NRG3: variants seen among roughly 807,000 people sequenced by gnomAD.
NRG3 encodes the protein neuregulin 3.
A neutral mutation model predicts 66.9 loss-of-function variants in NRG3; 31 were observed. The ratio of observed to expected loss-of-function variants is 0.46; its 90% confidence interval spans 0.35 to 0.63. NRG3 has a LOEUF of 0.63. NRG3 is among the 20% of genes least tolerant of loss of function. NRG3 has a pLI of 0.00. For missense variants in NRG3, 910 were observed against 878.9 expected (o/e 1.04, Z -0.45); for synonymous variants, 393 against 359.4 (o/e 1.09, Z -1.06).
intron 1 of NRG3, among the ~76,000 whole-genome samples, chr10:82,223,617 T>A (rs984506986): frequency 6.7e-6 from 1 of 150,184 alleles, no homozygotes; most frequent in Non-Finnish European, 1.5e-5. Context: ...GAATGCAGTG[T>A]AGTAATATTC....
At chr10:82,545,952 T>C (rs905146961) in intron 2 of NRG3, among the ~76,000 whole-genome samples, 10 of 150,426 alleles carry the variant, frequency 6.6e-5, no homozygotes, top group Non-Finnish European at 1.3e-4. Context: ...CATGCCCGGC[T>C]AATTTCAGTA....
chr10:82,875,251 T>C (rs1841704821), intron 4 of NRG3, among the ~76,000 whole-genome samples: 1 of 152,246 alleles, frequency 6.6e-6, no homozygotes, highest in South Asian at 2.1e-4. Flanking sequence ...AATCATGATT[T>C]GAACCATCTC....
At chr10:82,426,826 C>G (rs1297470625) in intron 2 of NRG3, among the ~76,000 whole-genome samples, 1 of 151,628 alleles carries the variant, frequency 6.6e-6, no homozygotes, top group Non-Finnish European at 1.5e-5. Flanking sequence ...ATTTTCTTTT[C>G]TTTTGGTAAA....
At chr10:82,451,954 A>G (rs934303030) in intron 2 of NRG3, among the ~76,000 whole-genome samples, 1 of 152,172 alleles carries the variant, frequency 6.6e-6, no homozygotes, top group Non-Finnish European at 1.5e-5. Flanking sequence ...AATTCAAAAT[A>G]AAAAAATGTT....
At chr10:82,168,749 C>G (rs543257811) in intron 1 of NRG3, among the ~76,000 whole-genome samples, 2 of 152,120 alleles carry the variant, frequency 1.3e-5, no homozygotes, top group Non-Finnish European at 2.9e-5. Context: ...TGTTTCTTAA[C>G]CAGATTCACA....
chr10:81,954,128 G>A (rs946153520), intron 1 of NRG3, among the ~76,000 whole-genome samples: 2 of 152,110 alleles, frequency 1.3e-5, no homozygotes, highest in African/African-American at 4.8e-5. Flanking sequence ...AATAAAGCAT[G>A]GAACATTTTG....
intron 2 of NRG3, among the ~76,000 whole-genome samples, chr10:82,510,167 G>T (rs1016626577): frequency 1.3e-5 from 2 of 152,064 alleles, no homozygotes; most frequent in Non-Finnish European, 2.9e-5. Flanking sequence ...CTTGGTCTCT[G>T]TACATCCCTC....
chr10:82,870,070 G>A (rs577838381), intron 4 of NRG3, among the ~76,000 whole-genome samples: 13 of 146,552 alleles, frequency 8.9e-5, no homozygotes, highest in South Asian at 6.5e-4. Context: ...GGGTTTCACC[G>A]TGTTAGCCAG....
chr10:82,635,375 T>G (rs1439197368), intron 2 of NRG3, among the ~76,000 whole-genome samples: 1 of 152,202 alleles, frequency 6.6e-6, no homozygotes, highest in Non-Finnish European at 1.5e-5. Context: ...TTATGCTTCT[T>G]TAGCTTCTTT....
intron 1 of NRG3, among the ~76,000 whole-genome samples, chr10:82,129,858 T>C (rs2132478753): frequency 1.3e-5 from 2 of 152,226 alleles, no homozygotes; most frequent in Middle Eastern, 3.4e-3. Context: ...CCCACGCCTG[T>C]CCTAGTTATT....
chr10:82,639,627 G>A lies in NRG3; in HGVS notation c.954-98950G>A, dbSNP rs569851416. On this transcript the variant is annotated intron_variant, in intron 2 of 8. Transcript: ENST00000372141. ...AATTTTTCAAAGCTGCTAGAAGTTA[G>A]ACTTTTTTAAAAACACTCCCATTAA... is the stretch of plus-strand genomic sequence containing the variant. Among the ~76,000 whole-genome samples the A allele has an allele frequency of 2.3e-3, 353 of 152,220 alleles. 1 individual carries two copies. Among genetic ancestry groups the A allele is most frequent in the Non-Finnish European group, 4.0e-3 (274 of 68,004 alleles).
chr10:82,241,809 C>G (rs565560789), intron 1 of NRG3, among the ~76,000 whole-genome samples: 8 of 152,086 alleles, frequency 5.3e-5, no homozygotes, highest in Non-Finnish European at 1.0e-4. Context: ...AAGTACATCG[C>G]GAAGTCTTTG....
At chr10:82,158,819 A>G (rs1445240327) in intron 1 of NRG3, among the ~76,000 whole-genome samples, 3 of 151,904 alleles carry the variant, frequency 2.0e-5, no homozygotes, top group Admixed American at 2.0e-4. Context: ...CTTGATTAAA[A>G]TAAGAGCCTT....
intron 3 of NRG3, among the ~76,000 whole-genome samples, chr10:82,845,001 A>G (rs556131983): frequency 6.6e-6 from 1 of 151,972 alleles, no homozygotes; most frequent in Non-Finnish European, 1.5e-5. Flanking sequence ...CTAAAAATAC[A>G]AAAGTTTTCC....
chr10:82,711,225 T>C (rs1269848753), intron 2 of NRG3, among the ~76,000 whole-genome samples: 1 of 152,110 alleles, frequency 6.6e-6, no homozygotes, highest in Non-Finnish European at 1.5e-5. Context: ...ACTACAAGTG[T>C]GTGCAACCAT....
At chr10:82,036,243 G>A (rs2062785417) in intron 1 of NRG3, among the ~76,000 whole-genome samples, 1 of 152,030 alleles carries the variant, frequency 6.6e-6, no homozygotes. Flanking sequence ...TGTTAGACCA[G>A]AATTATACCT....
intron 1 of NRG3, among the ~76,000 whole-genome samples, chr10:82,313,420 A>G (rs907636087): frequency 6.6e-6 from 1 of 152,194 alleles, no homozygotes; most frequent in African/African-American, 2.4e-5. Context: ...CATTATGATT[A>G]TTATGTCATC....
intron 2 of NRG3, among the ~76,000 whole-genome samples, chr10:82,723,137 C>A (rs1409815207): frequency 1.3e-5 from 2 of 152,062 alleles, no homozygotes; most frequent in Non-Finnish European, 2.9e-5. Context: ...TACTACACAG[C>A]CATAAAAAGA....
intron 1 of NRG3, among the ~76,000 whole-genome samples, chr10:82,285,941 T>C (rs559814072): frequency 1.3e-5 from 2 of 152,332 alleles, no homozygotes; most frequent in Admixed American, 1.3e-4. Flanking sequence ...ATTAAGAATA[T>C]CCTTGAGGTT....
Sources: gnomAD v4.1 joint callset for allele counts (sites outside exome capture counted in the v4.1 genomes callset) on GRCh38, gnomAD v4.1.1 for gene constraint, MANE v1.5 for transcripts, NCBI Gene and HGNC (gene_info 2026-07-23, HGNC 2026-07-21) for gene names.